The following PREX1 variants were observed in gnomAD, a reference collection of about 807,000 sequenced individuals.
The protein encoded by PREX1 is phosphatidylinositol 3,4,5-trisphosphate-dependent Rac exchanger 1 protein.
A neutral mutation model predicts 198.3 loss-of-function variants in PREX1; 41 were observed. The ratio of observed to expected loss-of-function variants is 0.21; its 90% confidence interval spans 0.16 to 0.27. The LOEUF is 0.27. PREX1 is among the 10% of genes least tolerant of loss of function. The pLI is 1.00. For synonymous variants in PREX1, 843 were observed against 887.2 expected (o/e 0.95, Z 0.89); for missense variants, 1,620 against 2,200.7 (o/e 0.74, Z 5.28).
chr20:48,855,594 G>T, the PREX1 span, among the ~76,000 whole-genome samples: 3 of 152,158 alleles, frequency 2.0e-5, no homozygotes, highest in African/African-American at 7.2e-5. Flanking sequence ...CGGCAGAGGA[G>T]ACAGAAAATA....
intron 6 of PREX1, among the ~76,000 whole-genome samples, chr20:48,701,170 G>A (rs2089871874): frequency 6.6e-6 from 1 of 152,230 alleles, no homozygotes; most frequent in South Asian, 2.1e-4. Flanking sequence ...GGTAATAGTA[G>A]GTCCTAGTCA....
At chr20:48,732,890 T>A (rs188847700) in intron 4 of PREX1, among the ~76,000 whole-genome samples, 1 of 151,600 alleles carries the variant, frequency 6.6e-6, no homozygotes, top group East Asian at 1.9e-4. Flanking sequence ...CACCTGGAAG[T>A]AGGATGTAGT....
At chr20:48,825,050 G>C (rs1378581092) in intron 1 of PREX1, among the ~76,000 whole-genome samples, 1 of 152,198 alleles carries the variant, frequency 6.6e-6, no homozygotes. Flanking sequence ...TGGGAAGACA[G>C]AAGAGAATCA....
intron 20 of PREX1, among the ~76,000 whole-genome samples, 166 bp downstream of exon 20, chr20:48,653,195 C>T (rs770079055): frequency 7.2e-5 from 11 of 152,142 alleles, no homozygotes; most frequent in Non-Finnish European, 1.5e-4. Flanking sequence ...AAGGATGCAG[C>T]GGGAGCACAA....
the PREX1 span, among the ~76,000 whole-genome samples, chr20:48,860,848 A>T: frequency 6.6e-6 from 1 of 151,246 alleles, no homozygotes; most frequent in Non-Finnish European, 1.5e-5. Flanking sequence ...AAAAAAAAAA[A>T]GGCCAGACGC....
chr20:48,751,359 C>A (rs1400859687), intron 1 of PREX1, among the ~76,000 whole-genome samples: 2 of 152,238 alleles, frequency 1.3e-5, no homozygotes, highest in African/African-American at 4.8e-5. Context: ...GTGCCGCACT[C>A]CGCTGGCCTA....
intron 1 of PREX1, among the ~76,000 whole-genome samples, chr20:48,759,353 C>A (rs976028809): frequency 7.9e-5 from 12 of 151,952 alleles, no homozygotes; most frequent in African/African-American, 2.9e-4. Context: ...AGTTCGCGAC[C>A]AGCCTGACCA....
intron 16 of PREX1, 112 bp downstream of exon 16, chr20:48,659,807 C>T (rs1002697241): frequency 6.9e-7 from 1 of 1,457,382 alleles, no homozygotes; most frequent in African/African-American, 1.4e-5. Flanking sequence ...TCCACCTATT[C>T]TGGTACTCCA....
At chr20:48,682,912 G>A (rs889914785) in intron 10 of PREX1, among the ~76,000 whole-genome samples, 6 of 152,254 alleles carry the variant, frequency 3.9e-5, no homozygotes, top group Admixed American at 6.5e-5. Context: ...CCAGAGGGGG[G>A]CAGGGCTATT....
chr20:48,881,086 C>A, the PREX1 span, among the ~76,000 whole-genome samples: 2 of 147,140 alleles, frequency 1.4e-5, no homozygotes. Flanking sequence ...GACATGTGGA[C>A]GATATCCTCA....
At chr20:48,762,996 C>A (rs746810985) in intron 1 of PREX1, among the ~76,000 whole-genome samples, 2 of 152,204 alleles carry the variant, frequency 1.3e-5, no homozygotes. Flanking sequence ...AGCCATCATG[C>A]CCAGCCAATA....
the PREX1 span, among the ~76,000 whole-genome samples, chr20:48,839,291 G>T: frequency 1.3e-5 from 2 of 151,784 alleles, no homozygotes; most frequent in African/African-American, 4.8e-5. Context: ...TCTTATTTTT[G>T]CCTCTGTCAC....
At chr20:48,792,802 C>CAA (rs200047465) in intron 1 of PREX1, among the ~76,000 whole-genome samples, 22 of 95,294 alleles carry the variant, frequency 2.3e-4, no homozygotes, top group South Asian at 6.8e-4. Context: ...AAGCCAGATA[C>CAA]AAAAAAAAAA....
At chr20:48,727,939 TC>T (rs1256519755) in intron 4 of PREX1, among the ~76,000 whole-genome samples, 1 of 152,172 alleles carries the variant, frequency 6.6e-6, no homozygotes, top group Non-Finnish European at 1.5e-5. Flanking sequence ...CTGCTGTGTT[TC>T]CCTGCCATGC....
At chr20:48,693,371 G>T (rs2089829427) in intron 7 of PREX1, among the ~76,000 whole-genome samples, 1 of 150,260 alleles carries the variant, frequency 6.7e-6, no homozygotes, top group Admixed American at 6.6e-5. Context: ...GCCTTTGAGA[G>T]ATGAAGAAGT....
chr20:48,808,631 C>T (rs1323627096), intron 1 of PREX1, among the ~76,000 whole-genome samples: 6 of 152,180 alleles, frequency 3.9e-5, no homozygotes, highest in African/African-American at 1.4e-4. Flanking sequence ...CCAAGGACAA[C>T]ACCACCTCAC....
Position 48,776,080 on chromosome 20 carries a change from G to A in PREX1, c.220-28200C>T, listed in dbSNP as rs1354473058. Among the ~76,000 whole-genome samples the A allele has an allele frequency of 1.4e-4, 21 of 152,116 alleles. 1 individual carries two copies. Among genetic ancestry groups the A allele is most frequent in the Admixed American group, 6.6e-5 (1 of 15,264 alleles). The stretch of plus-strand genomic sequence containing the variant: ...GCATCACATCCTCACCAATGGAGGT[G>A]AGCACAGTGACCTTTCCCCTGGACG... On this transcript the variant is annotated intron_variant, in intron 1 of 39. Coordinates refer to ENST00000371941, the MANE Select transcript of PREX1 (RefSeq NM_020820.4).
chr20:48,829,001 GTTT>G (rs2090527319), upstream of PREX1, among the ~76,000 whole-genome samples: 1 of 152,146 alleles, frequency 6.6e-6, no homozygotes, highest in Admixed American at 6.5e-5. Context: ...CCTTGGGCTG[GTTT>G]CCTTGCTTCA....
the PREX1 span, among the ~76,000 whole-genome samples, chr20:48,881,255 T>C: frequency 2.0e-5 from 3 of 152,170 alleles, no homozygotes; most frequent in Non-Finnish European, 4.4e-5. Flanking sequence ...TTCCCTTTAC[T>C]GTGGTGTACA....
Sources: gnomAD v4.1 joint callset for allele counts (sites outside exome capture counted in the v4.1 genomes callset) on GRCh38, gnomAD v4.1.1 for gene constraint, MANE v1.5 for transcripts, NCBI Gene and HGNC (gene_info 2026-07-23, HGNC 2026-07-21) for gene names.